PCDHA1: variants seen among roughly 807,000 people sequenced by gnomAD.
PCDHA1 encodes protocadherin alpha-1.
PCDHA1 carries 42 observed loss-of-function variants against 61.3 expected under a neutral mutation model. The ratio of observed to expected loss-of-function variants is 0.69; its 90% CI spans 0.54 to 0.89. PCDHA1 has a LOEUF of 0.89. Ranked by LOEUF, PCDHA1 falls within the 40% of genes least tolerant of loss-of-function variation. The pLI is 0.00. For synonymous variants in PCDHA1, 610 were observed against 553.8 expected, an observed-to-expected ratio of 1.10 and a Z score of -1.43; for missense variants, 1,256 against 1,235.3, an observed-to-expected ratio of 1.02 and a Z score of -0.25.
At chr5:140,849,477 C>T in intron 1 of PCDHA1, 1 of 1,590,036 alleles carries the variant, frequency 6.3e-7, no homozygotes, top group Middle Eastern at 1.7e-4. Context: ...TAAAGGCTTC[C>T]CACCCCTGGC....
In PCDHA1 at chr5:141,005,701, CAAAAAAAA is replaced by C. The variant is rs59860837; in HGVS notation, c.2543-3903_2543-3896del. Among the ~76,000 whole-genome samples, 45 of 7,788 alleles carry C rather than the reference CAAAAAAAA, an allele frequency of 5.8e-3. No individual in the cohort carries two copies. In the East Asian group the frequency reaches 0.064, roughly 11 times the overall value. 5.1% of individuals were successfully genotyped at this position (7,788 alleles called of 152,430 possible). A position where few individuals can be genotyped will look rare whatever the true frequency, so the allele number is the denominator to read the frequency against. On this transcript the variant is annotated intron_variant, in intron 3 of 3. Coordinates refer to ENST00000504120, the MANE Select transcript of PCDHA1 (RefSeq NM_018900.4). ...TGGGCGACAGAGCGAAACTCCGTCT[CAAAAAAAA>C]AAAAAAAAAAAAAAAAAAAAAAGAA...
chr5:140,823,031 T>C (rs2150064993), intron 1 of PCDHA1: 5 of 1,614,188 alleles, frequency 3.1e-6, no homozygotes, highest in South Asian at 1.1e-5. Context: ...AGCGTGTCGG[T>C]CTATGAGCTG....
chr5:140,829,624 C>A, intron 1 of PCDHA1: 1 of 1,612,182 alleles, frequency 6.2e-7, no homozygotes, highest in Non-Finnish European at 8.5e-7. Context: ...TTTCGGTGCA[C>A]GCGGAGAGCG....
At chr5:140,956,554 G>C (rs546505112) in intron 1 of PCDHA1, among the ~76,000 whole-genome samples, 1 of 152,318 alleles carries the variant, frequency 6.6e-6, no homozygotes, top group East Asian at 1.9e-4. Flanking sequence ...TGGTTTGCCA[G>C]TATCTTATTG....
At chr5:140,850,349 G>C (rs1554144220) in intron 1 of PCDHA1, 1 of 1,597,844 alleles carries the variant, frequency 6.3e-7, no homozygotes, top group South Asian at 1.1e-5. Flanking sequence ...CGGCCAGCGC[G>C]AGCATCCCGT....
At chr5:140,924,895 AAAAAAAAAAATAAAATAAAATAAAAT>A (rs1157767234) in intron 1 of PCDHA1, among the ~76,000 whole-genome samples, 8 of 132,230 alleles carry the variant, frequency 6.1e-5, no homozygotes, top group East Asian at 2.1e-4. Flanking sequence ...AACCTGTCTC[AAAAAAAAAAATAAAATAAAATAAAAT>A]AAAATAAAAT....
intron 1 of PCDHA1, chr5:140,829,634 G>C (rs2150171830): frequency 4.0e-5 from 64 of 1,612,200 alleles, no homozygotes; most frequent in South Asian, 6.6e-5. Flanking sequence ...CGCGGAGAGC[G>C]GCAAGGTGTA....
At chr5:140,848,923 C>G (rs1554142574) in intron 1 of PCDHA1, 1 of 1,607,740 alleles carries the variant, frequency 6.2e-7, no homozygotes, top group Middle Eastern at 1.7e-4. Context: ...CTGTTCATCG[C>G]GGAATCCAGG....
At chr5:140,839,353 G>A (rs1421791877) in intron 1 of PCDHA1, among the ~76,000 whole-genome samples, 1 of 144,986 alleles carries the variant, frequency 6.9e-6, no homozygotes, top group Non-Finnish European at 1.5e-5. Context: ...ATCCTCCTTA[G>A]CCACCTAAGC....
Position 140,843,013 on chromosome 5 carries a change from A to G in PCDHA1, c.2394+54329A>G, listed in dbSNP as rs2150350146. On this transcript the variant is annotated intron_variant, in intron 1 of 3. Coordinates refer to ENST00000504120, the MANE Select transcript of PCDHA1 (RefSeq NM_018900.4). The stretch of plus-strand genomic sequence containing the variant: ...TGGACGAGAATGACAACGCGCCGGC[A>G]CTGCTGGAGCCTCGGGTGGGTGGCA... 14 of 1,595,012 alleles carry G rather than the reference A, an allele frequency of 8.8e-6. 1 individual carries two copies. Among genetic ancestry groups the G allele is most frequent in the East Asian group, 2.2e-5 (1 of 44,830 alleles).
intron 1 of PCDHA1, among the ~76,000 whole-genome samples, chr5:140,973,232 G>A (rs1307717074): frequency 6.6e-6 from 1 of 152,196 alleles, no homozygotes; most frequent in Non-Finnish European, 1.5e-5. Context: ...ATAGTGACCT[G>A]AAAGAGTTAA....
intron 1 of PCDHA1, chr5:140,822,830 C>T: frequency 1.2e-6 from 2 of 1,614,160 alleles, no homozygotes; most frequent in Non-Finnish European, 1.7e-6. Context: ...ATGGCCATAA[C>T]CACCCTTTTC....
At chr5:140,820,722 A>G (rs2150107758) in intron 1 of PCDHA1, among the ~76,000 whole-genome samples, 15 of 152,090 alleles carry the variant, frequency 9.9e-5, no homozygotes, top group Non-Finnish European at 1.9e-4. Flanking sequence ...ATTTACTGGA[A>G]CCTAAACATT....
chr5:140,848,422 G>C, intron 1 of PCDHA1: 1 of 1,425,074 alleles, frequency 7.0e-7, no homozygotes, highest in Middle Eastern at 1.8e-4. Flanking sequence ...AGCAGAATGG[G>C]ACTGACGAAA....
intron 1 of PCDHA1, chr5:140,852,884 T>A (rs1486240342): frequency 6.4e-6 from 6 of 931,694 alleles, no homozygotes; most frequent in Non-Finnish European, 7.8e-6. Context: ...TCATAAAACG[T>A]ATTTTTTTTT....
Position 140,786,796 on chromosome 5 carries a change from C to T in PCDHA1, c.506C>T (p.Thr169Met), listed in dbSNP as rs1761332279. 1 of 1,614,212 alleles carries T rather than the reference C, an allele frequency of 6.2e-7. No individual in the cohort carries two copies. The highest frequency in any genetic ancestry group is 1.1e-5 in the South Asian group (1 of 91,078). Residue 169 changes from threonine to methionine, a missense_variant, in exon 1 of 4, where the codon ACG becomes ATG. Transcript: ENST00000504120. ...DADIGANALL[T>M]YTLSPSDYFS... ...GACATTGGTGCTAACGCTCTTCTAACGTACACGCTCAGCCCGAGTGATTAT... is the reference window on the plus strand; with the variant it reads ...GACATTGGTGCTAACGCTCTTCTAATGTACACGCTCAGCCCGAGTGATTAT...
chr5:140,871,180 G>C (rs376198166), intron 1 of PCDHA1: 48 of 1,613,470 alleles, frequency 3.0e-5, no homozygotes, highest in Non-Finnish European at 3.9e-5. Context: ...GGCTGCGCTG[G>C]TGGATGTCAA....
chr5:140,925,267 G>C (rs931372584), intron 1 of PCDHA1, among the ~76,000 whole-genome samples: 14 of 152,060 alleles, frequency 9.2e-5, no homozygotes, highest in Non-Finnish European at 1.9e-4. Flanking sequence ...CTTGATCTGT[G>C]TTCAGATTTT....
chr5:140,853,607 T>C, intron 1 of PCDHA1: 1 of 987,062 alleles, frequency 1.0e-6, no homozygotes, highest in Non-Finnish European at 1.2e-6. Context: ...GCAAAGGGGG[T>C]GCTGTAAATA....
Sources: gnomAD v4.1 joint callset for allele counts (sites outside exome capture counted in the v4.1 genomes callset) on GRCh38, gnomAD v4.1.1 for gene constraint, MANE v1.5 for transcripts, NCBI Gene and HGNC (gene_info 2026-07-23, HGNC 2026-07-21) for gene names.